SORCS3: variants seen among roughly 807,000 people sequenced by gnomAD.
SORCS3 encodes the protein sortilin related VPS10 domain containing receptor 3.
In SORCS3, 57 loss-of-function variants were observed where a neutral mutation model predicts 146.3. That is an observed-to-expected ratio of 0.39 (90% CI 0.31 to 0.49). The LOEUF (loss-of-function observed/expected upper bound fraction) is 0.49, where lower values mean the gene tolerates loss of function less well. Among genes scored for constraint, SORCS3 ranks in the 20% least tolerant of loss-of-function variants. The probability of loss-of-function intolerance (pLI) is 0.92; values close to 1 mark genes in which losing one functional copy is unlikely to be tolerated. For missense variants in SORCS3, 1,341 were observed against 1,575.5 expected (o/e 0.85, Z 2.52); for synonymous variants, 653 against 618.5 (o/e 1.06, Z -0.83).
In SORCS3 at chr10:104,974,166, T is replaced by C. The variant is rs574108547; in HGVS notation, c.796-3169T>C. 6.6e-5 allele frequency among the ~76,000 whole-genome samples: 10 copies of C among 152,300 alleles called. No homozygotes were observed. In the East Asian group the frequency reaches 1.9e-3, roughly 29 times the overall value. On this transcript the variant is annotated intron_variant, in intron 3 of 26. Coordinates refer to ENST00000369701, the MANE Select transcript of SORCS3 (RefSeq NM_014978.3). ...GTGGTGTGGTGCTGAAAAGAATGTA[T>C]ATTTTTTGATTTGGGGTGGAGAGTT... is the stretch of plus-strand genomic sequence containing the variant.
At chr10:104,864,710 C>A (rs1001963853) in intron 2 of SORCS3, among the ~76,000 whole-genome samples, 5 of 152,004 alleles carry the variant, frequency 3.3e-5, no homozygotes, top group African/African-American at 9.7e-5. Flanking sequence ...GTGAATATAC[C>A]AAGTTTATAT....
At chr10:105,022,076 T>G (rs1035817040) in intron 4 of SORCS3, among the ~76,000 whole-genome samples, 2 of 151,978 alleles carry the variant, frequency 1.3e-5, no homozygotes, top group African/African-American at 4.8e-5. Context: ...GCACAGAAGA[T>G]TTTTGGGGCA....
At chr10:104,993,833 A>G (rs562644942) in intron 4 of SORCS3, among the ~76,000 whole-genome samples, 1 of 152,352 alleles carries the variant, frequency 6.6e-6, no homozygotes, top group South Asian at 2.1e-4. Context: ...TATAGGTATC[A>G]TGACTTAATC....
intron 1 of SORCS3, among the ~76,000 whole-genome samples, chr10:104,826,917 T>C (rs1246722374): frequency 6.6e-6 from 1 of 152,222 alleles, no homozygotes; most frequent in Non-Finnish European, 1.5e-5. Context: ...ATTTCAATAA[T>C]GTTTGCAGCA....
intron 3 of SORCS3, among the ~76,000 whole-genome samples, chr10:104,921,566 T>G (rs1434668721): frequency 6.6e-6 from 1 of 151,804 alleles, no homozygotes; most frequent in African/African-American, 2.4e-5. Flanking sequence ...GACATCAGTA[T>G]AGGCTAATGA....
chr10:105,058,886 T>C (rs2055463993), intron 5 of SORCS3, among the ~76,000 whole-genome samples: 1 of 152,202 alleles, frequency 6.6e-6, no homozygotes, highest in African/African-American at 2.4e-5. Context: ...TGTACTTGGG[T>C]GAGGGATGCC....
intron 1 of SORCS3, among the ~76,000 whole-genome samples, chr10:104,796,437 AT>A (rs58243391): frequency 0.21 from 29,986 of 144,560 alleles, 2,975 homozygotes; most frequent in Middle Eastern, 0.32. Context: ...GATAATCTCC[AT>A]TTTTTTTTTT....
intron 3 of SORCS3, among the ~76,000 whole-genome samples, chr10:104,934,327 T>G (rs1241339176): frequency 6.6e-6 from 1 of 152,218 alleles, no homozygotes; most frequent in Non-Finnish European, 1.5e-5. Flanking sequence ...GGTCTAGGCA[T>G]TAATGATGTA....
At chr10:104,915,987 T>A (rs942851296) in intron 3 of SORCS3, 55 bp downstream of exon 3, 1 of 1,374,798 alleles carries the variant, frequency 7.3e-7, no homozygotes. Flanking sequence ...CTGTGCTGAT[T>A]AGGGCCAGAG....
chr10:104,762,312 A>T (rs1425652431), intron 1 of SORCS3, among the ~76,000 whole-genome samples: 1 of 151,972 alleles, frequency 6.6e-6, no homozygotes, highest in Non-Finnish European at 1.5e-5. Context: ...GCATTTACCA[A>T]TTTCTGTAGT....
At chr10:105,053,127 T>G (rs756330747) in intron 5 of SORCS3, among the ~76,000 whole-genome samples, 2 of 152,106 alleles carry the variant, frequency 1.3e-5, no homozygotes, top group Admixed American at 6.6e-5. Flanking sequence ...GTGCACTTTC[T>G]TGTAAGGGCA....
chr10:104,833,170 A>G (rs1459851215), intron 1 of SORCS3, among the ~76,000 whole-genome samples: 2 of 152,226 alleles, frequency 1.3e-5, no homozygotes, highest in Non-Finnish European at 2.9e-5. Flanking sequence ...TGTATGGGAC[A>G]CCATGACGGT....
chr10:104,865,215 A>G (rs867806812), intron 2 of SORCS3, among the ~76,000 whole-genome samples: 4 of 152,172 alleles, frequency 2.6e-5, no homozygotes, highest in African/African-American at 9.7e-5. Context: ...TGTTTGGCAC[A>G]TAGGAGGATC....
Position 104,743,906 on chromosome 10 carries a change from G to A in SORCS3, c.628-98886G>A, listed in dbSNP as rs768580173. Among the ~76,000 whole-genome samples, 32 of 152,198 alleles carry A rather than the reference G, an allele frequency of 2.1e-4. 1 individual carries two copies. The highest frequency in any genetic ancestry group is 4.0e-4 in the Non-Finnish European group (27 of 68,042). ...CTAAAGCTACAATAAAAAGGCTTCA[G>A]AATGGGCCTCCCTAAATCTTCATTC... On this transcript the variant is annotated intron_variant, in intron 1 of 26. Transcript: ENST00000369701.
chr10:104,890,923 C>T (rs570806331), intron 2 of SORCS3, among the ~76,000 whole-genome samples: 1 of 152,286 alleles, frequency 6.6e-6, no homozygotes, highest in Admixed American at 6.5e-5. Context: ...ATTGATTTTT[C>T]TTCTTTTTGT....
intron 2 of SORCS3, among the ~76,000 whole-genome samples, chr10:104,859,194 A>T (rs2018371251): frequency 6.6e-6 from 1 of 152,132 alleles, no homozygotes; most frequent in African/African-American, 2.4e-5. Context: ...TCAAAGAAGA[A>T]TGTGTCTCTC....
chr10:105,247,490 C>A (rs2056874230), intron 22 of SORCS3, among the ~76,000 whole-genome samples, 159 bp downstream of exon 22: 2 of 152,156 alleles, frequency 1.3e-5, no homozygotes, highest in Non-Finnish European at 2.9e-5. Flanking sequence ...TCGCTCACAC[C>A]TGTCATCCCA....
At chr10:105,224,341 G>A (rs572294210) in intron 20 of SORCS3, among the ~76,000 whole-genome samples, 2 of 152,232 alleles carry the variant, frequency 1.3e-5, no homozygotes, top group South Asian at 4.2e-4. Context: ...CATATAGTAT[G>A]CACTGTTTTC....
intron 5 of SORCS3, among the ~76,000 whole-genome samples, chr10:105,066,359 A>G (rs917186612): frequency 6.6e-6 from 1 of 152,214 alleles, no homozygotes; most frequent in Non-Finnish European, 1.5e-5. Flanking sequence ...TTGAGGAGGC[A>G]GAGATGAACG....
Sources: gnomAD v4.1 joint callset for allele counts (sites outside exome capture counted in the v4.1 genomes callset) on GRCh38, gnomAD v4.1.1 for gene constraint, MANE v1.5 for transcripts, NCBI Gene and HGNC (gene_info 2026-07-23, HGNC 2026-07-21) for gene names.